Variants in MANBA observed in about 807,000 individuals in gnomAD.
MANBA encodes mannosidase beta, also known as beta-mannosidase.
In MANBA, 83 loss-of-function variants were observed where a neutral mutation model predicts 111.1. The ratio of observed to expected loss-of-function variants is 0.75; its 90% confidence interval spans 0.63 to 0.90. The LOEUF is 0.90. MANBA is among the 40% of genes least tolerant of loss of function. The probability of loss-of-function intolerance (pLI) is 0.00; values close to 1 mark genes in which losing one functional copy is unlikely to be tolerated. For synonymous variants in MANBA, 370 were observed against 378.7 expected, an observed-to-expected ratio of 0.98 and a Z score of 0.27; for missense variants, 1,036 against 1,069.0, an observed-to-expected ratio of 0.97 and a Z score of 0.43.
intron 9 of MANBA, 102 bp downstream of exon 9, chr4:102,671,179 T>G: frequency 1.2e-6 from 1 of 824,916 alleles, no homozygotes; most frequent in Non-Finnish European, 2.1e-6. Context: ...TGGAATATCA[T>G]TCCTAGCTCT....
intron 1 of MANBA, chr4:102,728,646 C>T: frequency 3.8e-6 from 2 of 532,004 alleles, no homozygotes; most frequent in South Asian, 3.8e-5. Context: ...GGGTTGAGGG[C>T]TAGGGCTGGG....
rs4019 is a variant in MANBA at position 102,631,673 on chromosome 4, G to A, written c.*384C>T. The A allele has an allele frequency of 0.53, 247,078 of 470,540 alleles. 66,160 individuals are homozygous for A. Among genetic ancestry groups the A allele is most frequent in the Admixed American group, 0.64 (17,198 of 26,782 alleles). 29.1% of individuals were successfully genotyped at this position (470,540 alleles called of 1,614,324 possible). A position where few individuals can be genotyped will look rare whatever the true frequency, so the allele number is the denominator to read the frequency against. ...GAGTATTCCGTATTCCCCAAAGCTA[G>A]CTGTGAAAGACCTACATCACCTCAA... On this transcript the variant is annotated 3_prime_UTR_variant, in exon 17 of 17. Coordinates refer to ENST00000647097, the MANE Select transcript of MANBA (RefSeq NM_005908.4).
intron 4 of MANBA, among the ~76,000 whole-genome samples, chr4:102,718,362 G>A (rs1236363723): frequency 6.6e-6 from 1 of 152,160 alleles, no homozygotes; most frequent in Non-Finnish European, 1.5e-5. Context: ...ACACAATATT[G>A]GGAGACAATG....
rs191560319 is a variant in MANBA, at chr4:102,660,789, A to G, written c.1486-2889T>C. On this transcript the variant is annotated intron_variant, in intron 11 of 16. Coordinates refer to ENST00000647097, the MANE Select transcript of MANBA (RefSeq NM_005908.4). ...TATATTAATATATAATAATATTAAT[A>G]TAATAATTATAATTAATATATTGAT... Among the ~76,000 whole-genome samples the G allele has an allele frequency of 1.9e-4, 28 of 148,644 alleles. No homozygotes were observed. In the East Asian group the frequency reaches 5.2e-3, roughly 28 times the overall value.
rs1042101310 is a variant in MANBA at position 102,709,433 on chromosome 4, G to A, written c.673+5005C>T. ...AAAGAAAGAAAGAGAAAGAGAGAGA[G>A]AGAAAGGAAGGAAGGAAGGAAATAG... On this transcript the variant is annotated intron_variant, in intron 5 of 16. Coordinates refer to ENST00000647097, the MANE Select transcript of MANBA (RefSeq NM_005908.4). Among the ~76,000 whole-genome samples the A allele has an allele frequency of 7.1e-3, 767 of 107,450 alleles. 19 individuals are homozygous for A. Among genetic ancestry groups the A allele is most frequent in the African/African-American group, 0.035 (736 of 21,088 alleles). 70.5% of individuals were successfully genotyped at this position (107,450 alleles called of 152,430 possible).
chr4:102,691,599 G>C (rs1341307473), intron 5 of MANBA, among the ~76,000 whole-genome samples: 2 of 150,852 alleles, frequency 1.3e-5, no homozygotes, highest in African/African-American at 4.9e-5. Context: ...TTGAACTCCT[G>C]GGCTCAAGCA....
intron 12 of MANBA, among the ~76,000 whole-genome samples, chr4:102,654,081 T>G (rs918442379): frequency 6.6e-6 from 1 of 152,218 alleles, no homozygotes; most frequent in African/African-American, 2.4e-5. Context: ...CCTCTTGCAG[T>G]ACTTTGATTT....
At chr4:102,653,164 T>C (rs1730410977) in intron 12 of MANBA, among the ~76,000 whole-genome samples, 1 of 151,932 alleles carries the variant, frequency 6.6e-6, no homozygotes. Flanking sequence ...AGTGCTTCAA[T>C]GTATTAGTTA....
At chr4:102,734,699 C>G (rs1478724411) in intron 1 of MANBA, 58 of 921,596 alleles carry the variant, frequency 6.3e-5, no homozygotes, top group Non-Finnish European at 5.0e-6. Flanking sequence ...TTCCCCCTCT[C>G]CATCCCAGGT....
chr4:102,645,955 C>A (rs1331463328), intron 13 of MANBA, among the ~76,000 whole-genome samples: 1 of 152,130 alleles, frequency 6.6e-6, no homozygotes, highest in East Asian at 1.9e-4. Flanking sequence ...ATTATTGCAA[C>A]TGTGAAGGGA....
chr4:102,754,733 T>C (rs1415360962), intron 1 of MANBA, among the ~76,000 whole-genome samples: 5 of 152,048 alleles, frequency 3.3e-5, no homozygotes, highest in African/African-American at 7.2e-5. Flanking sequence ...ATTTTTTGTA[T>C]TTTTAGTAGA....
chr4:102,710,617 A>G (rs1722018019), intron 5 of MANBA, among the ~76,000 whole-genome samples: 1 of 152,090 alleles, frequency 6.6e-6, no homozygotes, highest in Non-Finnish European at 1.5e-5. Context: ...CAATGCAATC[A>G]CTATCAAAAT....
chr4:102,640,600 G>A (rs1191853819), intron 13 of MANBA, among the ~76,000 whole-genome samples: 3 of 152,152 alleles, frequency 2.0e-5, no homozygotes, highest in Non-Finnish European at 4.4e-5. Flanking sequence ...GTTGTGCTGA[G>A]GAGGGGCTCA....
chr4:102,738,856 A>G lies in MANBA; in HGVS notation c.178-12173T>C, dbSNP rs370236155. 2.1e-4 allele frequency among the ~76,000 whole-genome samples: 32 copies of G among 152,374 alleles called. No homozygotes were observed. In the East Asian group the frequency reaches 5.8e-3, roughly 28 times the overall value. On this transcript the variant is annotated intron_variant, in intron 1 of 16. Transcript: ENST00000647097. ...CCAACTTAAAGAAATTTAAAAAACA[A>G]TAAAGGATATGAATGAAAAGGTCTC...
At chr4:102,654,145 T>G (rs1730457684) in intron 12 of MANBA, among the ~76,000 whole-genome samples, 1 of 152,088 alleles carries the variant, frequency 6.6e-6, no homozygotes, top group Non-Finnish European at 1.5e-5. Flanking sequence ...AAAGAATGAG[T>G]ACGTGGTACA....
intron 1 of MANBA, among the ~76,000 whole-genome samples, chr4:102,734,132 G>T (rs558431293): frequency 5.3e-5 from 8 of 152,332 alleles, no homozygotes; most frequent in Non-Finnish European, 1.0e-4. Flanking sequence ...GTCAATGTCT[G>T]TTCATTGATT....
Position 102,752,440 on chromosome 4 carries a change from C to T in MANBA, c.177+8278G>A, listed in dbSNP as rs563184572. 9.9e-6 allele frequency: 8 copies of T among 806,156 alleles called. No individual in the cohort carries two copies. In the East Asian group the frequency reaches 2.0e-4, roughly 20 times the overall value. 49.9% of individuals were successfully genotyped at this position (806,156 alleles called of 1,614,324 possible). A position where few individuals can be genotyped will look rare whatever the true frequency, so the allele number is the denominator to read the frequency against. On this transcript the variant is annotated intron_variant, in intron 1 of 16. Coordinates refer to ENST00000647097, the MANE Select transcript of MANBA (RefSeq NM_005908.4). ...GACATTAGTAAAATGGTCTCCTACCCATGAACAGCAACTGATTTCAGGATC... is the reference window on the plus strand; with the variant it reads ...GACATTAGTAAAATGGTCTCCTACCTATGAACAGCAACTGATTTCAGGATC...
chr4:102,643,723 A>T (rs1729982260), intron 13 of MANBA, among the ~76,000 whole-genome samples: 1 of 152,104 alleles, frequency 6.6e-6, no homozygotes, highest in Non-Finnish European at 1.5e-5. Context: ...AGCCTTTACC[A>T]ATTTTTCAAT....
chr4:102,715,513 G>A (rs888770029), intron 4 of MANBA, among the ~76,000 whole-genome samples: 2 of 152,084 alleles, frequency 1.3e-5, no homozygotes, highest in African/African-American at 4.8e-5. Context: ...TAACTTTTAA[G>A]TTCAGGGGTA....
Sources: allele counts gnomAD v4.1 joint callset (sites outside exome capture counted in the v4.1 genomes callset), GRCh38; gene constraint gnomAD v4.1.1; transcripts MANE v1.5; gene names NCBI Gene and HGNC (gene_info 2026-07-23, HGNC 2026-07-21).